The following UBXN2B variants were observed in gnomAD, a reference collection of about 807,000 sequenced individuals.
UBXN2B encodes the protein UBX domain protein 2B.
UBXN2B carries 19 observed loss-of-function variants against 37.5 expected under a neutral mutation model. That is an observed-to-expected ratio of 0.51 (90% CI 0.35 to 0.74). UBXN2B has a LOEUF of 0.74. Among genes scored for constraint, UBXN2B ranks in the 30% least tolerant of loss-of-function variants. The probability of loss-of-function intolerance (pLI) is 0.01; values close to 1 mark genes in which losing one functional copy is unlikely to be tolerated. For missense variants in UBXN2B, 370 were observed against 393.2 expected (o/e 0.94, Z 0.50); for synonymous variants, 145 against 143.8 (o/e 1.01, Z -0.06).
chr8:58,419,533 C>G (rs1426909807), intron 2 of UBXN2B, among the ~76,000 whole-genome samples: 1 of 152,104 alleles, frequency 6.6e-6, no homozygotes, highest in Non-Finnish European at 1.5e-5. Flanking sequence ...ACATATTCAT[C>G]CATGAAAAGT....
intron 1 of UBXN2B, among the ~76,000 whole-genome samples, chr8:58,411,816 A>T (rs1237241918): frequency 1.3e-5 from 2 of 152,246 alleles, no homozygotes; most frequent in Admixed American, 1.3e-4. Flanking sequence ...CTGTGGCCGC[A>T]GGGAAGTAGA....
At chr8:58,435,002 C>T (rs530214438) in intron 5 of UBXN2B, 7 of 1,524,950 alleles carry the variant, frequency 4.6e-6, no homozygotes, top group Admixed American at 2.0e-5. Context: ...AGTGCTCTCA[C>T]CCATCCAAAG....
intron 1 of UBXN2B, among the ~76,000 whole-genome samples, 191 bp downstream of exon 1, chr8:58,411,660 A>G (rs1049729495): frequency 2.6e-5 from 4 of 152,210 alleles, no homozygotes; most frequent in Non-Finnish European, 5.9e-5. Context: ...CAAGTGCCCA[A>G]GCCTCCAGCG....
intron 2 of UBXN2B, among the ~76,000 whole-genome samples, chr8:58,428,380 AT>A (rs777878629): frequency 6.6e-6 from 1 of 152,218 alleles, no homozygotes; most frequent in Non-Finnish European, 1.5e-5. Context: ...AAACAAAAGT[AT>A]ACAAATTGGA....
At chr8:58,427,443 G>C (rs935534725) in intron 2 of UBXN2B, among the ~76,000 whole-genome samples, 1 of 152,194 alleles carries the variant, frequency 6.6e-6, no homozygotes, top group Non-Finnish European at 1.5e-5. Flanking sequence ...AGCCTGGGCA[G>C]TAGAGCCATA....
At chr8:58,441,348 C>CTAT (rs1242681481) in intron 6 of UBXN2B, among the ~76,000 whole-genome samples, 1 of 104,660 alleles carries the variant, frequency 9.6e-6, no homozygotes, top group African/African-American at 4.0e-5. Context: ...TTGTGATCAA[C>CTAT]ATATATATAT....
chr8:58,418,273 G>C (rs913654182), intron 2 of UBXN2B, among the ~76,000 whole-genome samples: 3 of 148,846 alleles, frequency 2.0e-5, no homozygotes, highest in African/African-American at 7.4e-5. Flanking sequence ...AAAATTAATA[G>C]TAATTCTGTG....
chr8:58,423,798 A>G (rs760590558), intron 2 of UBXN2B, among the ~76,000 whole-genome samples: 10 of 151,972 alleles, frequency 6.6e-5, no homozygotes, highest in South Asian at 2.1e-4. Context: ...AACATTTGAC[A>G]ACCAAAAACA....
At chr8:58,423,906 A>G (rs1440387635) in intron 2 of UBXN2B, among the ~76,000 whole-genome samples, 1 of 151,998 alleles carries the variant, frequency 6.6e-6, no homozygotes, top group Non-Finnish European at 1.5e-5. Context: ...TTCTCAGTCA[A>G]AAGCCAAACT....
At position 58,432,375 on chromosome 8, in the gene UBXN2B, C is replaced by CGT. The variant is rs1554552059; in HGVS notation, c.340-785_340-784insGT. Among the ~76,000 whole-genome samples, 567 of 81,488 alleles carry CGT rather than the reference C, an allele frequency of 7.0e-3. 3 individuals carry two copies. Among genetic ancestry groups the CGT allele is most frequent in the Non-Finnish European group, 0.01 (480 of 46,768 alleles). 53.5% of individuals were successfully genotyped at this position (81,488 alleles called of 152,430 possible). A position where few individuals can be genotyped will look rare whatever the true frequency, so the allele number is the denominator to read the frequency against. On this transcript the variant is annotated intron_variant, in intron 3 of 7. Coordinates refer to ENST00000399598, the MANE Select transcript of UBXN2B (RefSeq NM_001077619.2). ...ATTGCTTTTGTACCTTTCTAAATTT[C>CGT]TTTTTTTTTTTTTTTTTTTTTTTTT...
intron 2 of UBXN2B, among the ~76,000 whole-genome samples, chr8:58,428,059 T>G (rs1369168262): frequency 6.6e-6 from 1 of 152,146 alleles, no homozygotes; most frequent in African/African-American, 2.4e-5. Context: ...CAGAAAGTGT[T>G]TAATAACTGA....
At chr8:58,433,572 C>A (rs1293996104) in intron 4 of UBXN2B, among the ~76,000 whole-genome samples, 2 of 142,442 alleles carry the variant, frequency 1.4e-5, no homozygotes, top group Non-Finnish European at 1.5e-5. Context: ...CCCAGAAGTT[C>A]AAGGCCAGCC....
Position 58,447,651 on chromosome 8 carries a change from T to C in UBXN2B, c.*100T>C, listed in dbSNP as rs569731376. On this transcript the variant is annotated 3_prime_UTR_variant, in exon 8 of 8. Coordinates refer to ENST00000399598, the MANE Select transcript of UBXN2B (RefSeq NM_001077619.2). ...AAAAACAGCCAAATTATTTTTATTATTTTTACAGATAAATTTTGGTTTTAT... is the reference window on the plus strand; with the variant it reads ...AAAAACAGCCAAATTATTTTTATTACTTTTACAGATAAATTTTGGTTTTAT... 1.1e-3 allele frequency: 1,318 copies of C among 1,181,548 alleles called. 1 individual carries two copies. Among genetic ancestry groups the C allele is most frequent in the Non-Finnish European group, 1.3e-3 (1,138 of 900,990 alleles). 73.2% of individuals were successfully genotyped at this position (1,181,548 alleles called of 1,614,324 possible). A position where few individuals can be genotyped will look rare whatever the true frequency, so the allele number is the denominator to read the frequency against.
At chr8:58,432,529 C>A (rs572532113) in intron 3 of UBXN2B, among the ~76,000 whole-genome samples, 60 of 151,736 alleles carry the variant, frequency 4.0e-4, no homozygotes, top group African/African-American at 1.4e-3. Context: ...ACTACAGGCA[C>A]CCGCCACCAC....
Position 58,430,439 on chromosome 8 carries a change from T to G in UBXN2B, c.189-80T>G, listed in dbSNP as rs368161833. 4.6e-5 allele frequency: 48 copies of G among 1,033,110 alleles called. 1 individual carries two copies. The East Asian group carries it at 1.3e-3, about 28-fold the overall frequency. 64.0% of individuals were successfully genotyped at this position (1,033,110 alleles called of 1,614,324 possible). On this transcript the variant is annotated intron_variant, in intron 2 of 7. Transcript: ENST00000399598. ...CTCTTTTTAAATAAAATACTTTTAT[T>G]TTCATAAGACTATGTAGCTTTTTAC...
rs1808772919 is a variant in UBXN2B at position 58,450,169 on chromosome 8, A to C, written c.*2618A>C. On this transcript the variant is annotated 3_prime_UTR_variant, in exon 8 of 8. Coordinates refer to ENST00000399598, the MANE Select transcript of UBXN2B (RefSeq NM_001077619.2). Reference sequence around the variant, plus strand: ...TGTCCTGACGGTGAATCTTAGTTTTAGTGGCTTTTGCCATTTGAATAGGCC... The same window carrying C: ...TGTCCTGACGGTGAATCTTAGTTTTCGTGGCTTTTGCCATTTGAATAGGCC... The C allele has an allele frequency of 6.6e-6, 1 of 152,222 alleles. No homozygotes were observed. The highest frequency in any genetic ancestry group is 1.5e-5 in the Non-Finnish European group (1 of 68,028). 9.4% of individuals were successfully genotyped at this position (152,222 alleles called of 1,614,324 possible). A position where few individuals can be genotyped will look rare whatever the true frequency, so the allele number is the denominator to read the frequency against.
At position 58,447,696 on chromosome 8, in the gene UBXN2B, C is replaced by T; in HGVS notation, c.*145C>T. 1.3e-6 allele frequency: 1 copy of T among 748,112 alleles called. No individual in the cohort carries two copies. Among genetic ancestry groups the T allele is most frequent in the East Asian group, 2.9e-5 (1 of 35,052 alleles). The allele number at this position is 748,112 out of a possible 1,614,324, so 46.3% of individuals were successfully genotyped here. On this transcript the variant is annotated 3_prime_UTR_variant, in exon 8 of 8. Coordinates refer to ENST00000399598, the MANE Select transcript of UBXN2B (RefSeq NM_001077619.2). ...TTTTATTGTTATTCTGTCTTCCAATCTGAATATAGACAAATTTGGATTAGG... is the reference window on the plus strand; with the variant it reads ...TTTTATTGTTATTCTGTCTTCCAATTTGAATATAGACAAATTTGGATTAGG...
intron 2 of UBXN2B, chr8:58,424,983 A>C (rs1808042114): frequency 6.3e-6 from 5 of 791,866 alleles, no homozygotes; most frequent in Non-Finnish European, 9.3e-6. Flanking sequence ...CTGTCCGGCC[A>C]ATTCCAGCAC....
In UBXN2B at chr8:58,449,124, C is replaced by T. The variant is rs1808748895; in HGVS notation, c.*1573C>T. ...CAGTGTGGAGAGGTTCTCTGCAGGA[C>T]TCATGATTAAATGAGGCCCACCGGA... is the stretch of plus-strand genomic sequence containing the variant. On this transcript the variant is annotated 3_prime_UTR_variant, in exon 8 of 8. Coordinates refer to ENST00000399598, the MANE Select transcript of UBXN2B (RefSeq NM_001077619.2). The T allele has an allele frequency of 1.3e-5, 2 of 152,146 alleles. No individual in the cohort carries two copies. Among genetic ancestry groups the T allele is most frequent in the Admixed American group, 6.5e-5 (1 of 15,280 alleles). The allele number at this position is 152,146 out of a possible 1,614,324, so 9.4% of individuals were successfully genotyped here.
Sources: allele counts gnomAD v4.1 joint callset (sites outside exome capture counted in the v4.1 genomes callset), GRCh38; gene constraint gnomAD v4.1.1; transcripts MANE v1.5; gene names NCBI Gene and HGNC (gene_info 2026-07-23, HGNC 2026-07-21).